LDB2: variants seen among roughly 807,000 people sequenced by gnomAD.
LDB2 encodes the protein LIM domain-binding protein 2.
In LDB2, 12 loss-of-function variants were observed where a neutral mutation model predicts 44.3. The observed-to-expected ratio is 0.27, with a 90% CI of 0.17 to 0.44. The LOEUF (loss-of-function observed/expected upper bound fraction) is 0.44, where lower values mean the gene tolerates loss of function less well. Among genes scored for constraint, LDB2 ranks in the 20% least tolerant of loss-of-function variants. The pLI, the probability that LDB2 is intolerant of heterozygous loss-of-function variation, is 1.00. For missense variants in LDB2, 344 were observed against 473.5 expected (o/e 0.73, Z 2.54); for synonymous variants, 164 against 174.8 (o/e 0.94, Z 0.49).
At chr4:16,573,104 G>A (rs111930602) in intron 5 of LDB2, among the ~76,000 whole-genome samples, 157 of 152,300 alleles carry the variant, frequency 1.0e-3, no homozygotes, top group African/African-American at 3.3e-3. Flanking sequence ...CCAGGAAAAC[G>A]TTGCTGCGGG....
At chr4:16,559,681 C>T (rs1300774506) in intron 5 of LDB2, among the ~76,000 whole-genome samples, 5 of 152,070 alleles carry the variant, frequency 3.3e-5, no homozygotes, top group African/African-American at 9.6e-5. Context: ...AACAAGGATA[C>T]CCAGGAATTG....
intron 2 of LDB2, among the ~76,000 whole-genome samples, chr4:16,599,872 T>G (rs1722088469): frequency 6.6e-6 from 1 of 152,168 alleles, no homozygotes; most frequent in African/African-American, 2.4e-5. Context: ...TCAAATTGAT[T>G]TTTGAATTTG....
At chr4:16,544,618 G>A (rs1391291943) in intron 5 of LDB2, among the ~76,000 whole-genome samples, 1 of 152,146 alleles carries the variant, frequency 6.6e-6, no homozygotes, top group African/African-American at 2.4e-5. Context: ...TGAACCAGCA[G>A]GATTTCCCAA....
chr4:16,581,314 G>A (rs552283661), intron 5 of LDB2: 1 of 688,820 alleles, frequency 1.5e-6, no homozygotes, highest in Non-Finnish European at 1.8e-6. Flanking sequence ...CAAGCAACTT[G>A]CCCAGGGTCA....
chr4:16,546,315 G>A (rs923997310), intron 5 of LDB2, among the ~76,000 whole-genome samples: 14 of 152,120 alleles, frequency 9.2e-5, no homozygotes, highest in Non-Finnish European at 1.6e-4. Flanking sequence ...AACAACTTCT[G>A]GACGAATTCT....
At chr4:16,503,112 G>A (rs1475762551) in intron 7 of LDB2, 12 of 1,536,462 alleles carry the variant, frequency 7.8e-6, no homozygotes, top group African/African-American at 1.4e-5. Context: ...TGACACTGGA[G>A]AACGAGCAAT....
intron 2 of LDB2, chr4:16,752,350 C>A: frequency 2.4e-6 from 1 of 418,092 alleles, no homozygotes; most frequent in Non-Finnish European, 4.7e-6. Context: ...AAAATCTCAC[C>A]CTCTGTTGGA....
intron 2 of LDB2, among the ~76,000 whole-genome samples, chr4:16,630,510 G>A (rs971022850): frequency 1.3e-5 from 2 of 152,032 alleles, no homozygotes; most frequent in Non-Finnish European, 2.9e-5. Context: ...CATCAACGCC[G>A]TATAAAGAAA....
intron 2 of LDB2, among the ~76,000 whole-genome samples, chr4:16,697,830 A>AAT (rs1752537739): frequency 6.6e-6 from 1 of 152,234 alleles, no homozygotes; most frequent in African/African-American, 2.4e-5. Flanking sequence ...GAAAACAAGA[A>AAT]ATATATATAT....
rs1728407273 is a variant in LDB2, at chr4:16,526,778, A to G, written c.616-14674T>C. The stretch of plus-strand genomic sequence containing the variant: ...AAACAGATTCTCCCTGAGAGCCTCC[A>G]GAGAGGAATATAATCCTGCCAACAC... On this transcript the variant is annotated intron_variant, in intron 5 of 7. Transcript: ENST00000304523. 2.0e-5 allele frequency among the ~76,000 whole-genome samples: 3 copies of G among 152,214 alleles called. No individual in the cohort carries two copies. The South Asian group carries it at 6.2e-4, about 31-fold the overall frequency.
intron 2 of LDB2, among the ~76,000 whole-genome samples, chr4:16,654,496 A>G (rs1739214746): frequency 6.6e-6 from 1 of 152,204 alleles, no homozygotes; most frequent in Non-Finnish European, 1.5e-5. Flanking sequence ...GCATGAAGAA[A>G]AGCAAGTTAA....
At chr4:16,548,130 T>C (rs1736413668) in intron 5 of LDB2, among the ~76,000 whole-genome samples, 1 of 151,950 alleles carries the variant, frequency 6.6e-6, no homozygotes, top group African/African-American at 2.4e-5. Flanking sequence ...GGCCTCAACT[T>C]TCCTGGTTCT....
chr4:16,680,855 A>G (rs907299584), intron 2 of LDB2, among the ~76,000 whole-genome samples: 2 of 152,228 alleles, frequency 1.3e-5, no homozygotes, highest in Non-Finnish European at 1.5e-5. Flanking sequence ...TTCAGAATTA[A>G]TTGTCTGTGA....
At chr4:16,548,327 G>A (rs556131225) in intron 5 of LDB2, among the ~76,000 whole-genome samples, 7 of 152,088 alleles carry the variant, frequency 4.6e-5, no homozygotes, top group Admixed American at 3.3e-4. Context: ...AATAAGATTC[G>A]CCCAAGGCTT....
chr4:16,698,173 T>C (rs924812826), intron 2 of LDB2, among the ~76,000 whole-genome samples: 1 of 152,232 alleles, frequency 6.6e-6, no homozygotes, highest in African/African-American at 2.4e-5. Context: ...CCCAGTTTCT[T>C]GTTGACAAAT....
intron 2 of LDB2, among the ~76,000 whole-genome samples, chr4:16,615,535 C>T (rs1351079561): frequency 6.6e-6 from 1 of 152,004 alleles, no homozygotes; most frequent in Non-Finnish European, 1.5e-5. Context: ...TGTTCTCGCT[C>T]ATAAGTGAGA....
intron 1 of LDB2, among the ~76,000 whole-genome samples, chr4:16,869,955 C>T (rs1715976786): frequency 6.6e-6 from 1 of 152,154 alleles, no homozygotes; most frequent in East Asian, 1.9e-4. Context: ...ATTTTCTTAG[C>T]CATGTATCTC....
intron 2 of LDB2, among the ~76,000 whole-genome samples, chr4:16,697,970 T>C (rs1752582086): frequency 1.3e-5 from 2 of 152,200 alleles, no homozygotes. Flanking sequence ...ATTGGATAAG[T>C]TATATTTTTT....
chr4:16,524,645 CA>C (rs1281532347), intron 5 of LDB2, among the ~76,000 whole-genome samples: 2 of 152,080 alleles, frequency 1.3e-5, no homozygotes, highest in Non-Finnish European at 2.9e-5. Flanking sequence ...ATGATGTAGG[CA>C]AAAACATTCT....
Sources: allele counts gnomAD v4.1 joint callset (sites outside exome capture counted in the v4.1 genomes callset), GRCh38; gene constraint gnomAD v4.1.1; transcripts MANE v1.5; gene names NCBI Gene and HGNC (gene_info 2026-07-23, HGNC 2026-07-21).